Variants in NRXN3 observed in about 807,000 individuals in gnomAD.
The protein encoded by NRXN3 is neurexin 3.
In NRXN3, 32 loss-of-function variants were observed where a neutral mutation model predicts 137.6. The observed-to-expected ratio is 0.23, with a 90% CI of 0.18 to 0.31. NRXN3 has a LOEUF of 0.31. NRXN3 is among the 10% of genes least tolerant of loss of function. The pLI, the probability that NRXN3 is intolerant of heterozygous loss-of-function variation, is 1.00. For synonymous variants in NRXN3, 798 were observed against 784.5 expected (o/e 1.02, Z -0.29); for missense variants, 1,574 against 2,062.5 (o/e 0.76, Z 4.59).
At chr14:79,762,969 C>T (rs1179097312) in intron 19 of NRXN3, among the ~76,000 whole-genome samples, 3 of 151,558 alleles carry the variant, frequency 2.0e-5, no homozygotes, top group African/African-American at 7.3e-5. Flanking sequence ...GCTGCACTCA[C>T]CAACCTGTCA....
chr14:79,275,732 G>T (rs1052332628), intron 15 of NRXN3, among the ~76,000 whole-genome samples: 5 of 139,078 alleles, frequency 3.6e-5, no homozygotes, highest in African/African-American at 5.6e-5. Context: ...GGGTGAGGAT[G>T]GGGGGGGGGA....
At chr14:79,382,730 C>T (rs1235805715) in intron 15 of NRXN3, among the ~76,000 whole-genome samples, 1 of 152,098 alleles carries the variant, frequency 6.6e-6, no homozygotes, top group African/African-American at 2.4e-5. Context: ...CTTTTCCCTA[C>T]ATATGAATTT....
chr14:78,847,126 G>C (rs987820858), intron 10 of NRXN3, among the ~76,000 whole-genome samples: 2 of 152,054 alleles, frequency 1.3e-5, no homozygotes, highest in African/African-American at 2.4e-5. Context: ...CTACCTGAAA[G>C]GTAGGTATAA....
At chr14:79,649,276 G>A (rs1044303211) in intron 16 of NRXN3, among the ~76,000 whole-genome samples, 2 of 152,120 alleles carry the variant, frequency 1.3e-5, no homozygotes, top group African/African-American at 4.8e-5. Context: ...CTGCCTGTGA[G>A]CCTCTGGCCA....
At chr14:79,702,925 A>AG (rs1303216388) in intron 19 of NRXN3, among the ~76,000 whole-genome samples, 1 of 90,222 alleles carries the variant, frequency 1.1e-5, no homozygotes, top group South Asian at 3.8e-4. Flanking sequence ...AGTTATCAGC[A>AG]GAAAAAAAAA....
At chr14:79,383,255 G>A (rs1159478577) in intron 15 of NRXN3, among the ~76,000 whole-genome samples, 3 of 152,054 alleles carry the variant, frequency 2.0e-5, no homozygotes, top group Admixed American at 6.6e-5. Context: ...GCATATGTTT[G>A]CTTGGCACCC....
intron 15 of NRXN3, among the ~76,000 whole-genome samples, chr14:79,198,893 T>G (rs74941321): frequency 1.3e-5 from 2 of 152,106 alleles, no homozygotes; most frequent in African/African-American, 2.4e-5. Context: ...ACTGGCCAGG[T>G]GCGGTGGCTC....
chr14:78,435,732 A>T (rs1348972765), intron 4 of NRXN3, among the ~76,000 whole-genome samples: 1 of 152,168 alleles, frequency 6.6e-6, no homozygotes, highest in East Asian at 1.9e-4. Context: ...ATGCAGAGAC[A>T]TTACAGCCAG....
At chr14:78,901,382 A>G (rs1041259015) in intron 10 of NRXN3, among the ~76,000 whole-genome samples, 2 of 151,914 alleles carry the variant, frequency 1.3e-5, no homozygotes. Context: ...ACATGTATGT[A>G]TTACCCCAAC....
At chr14:78,435,278 T>C (rs1307375991) in intron 4 of NRXN3, among the ~76,000 whole-genome samples, 1 of 152,208 alleles carries the variant, frequency 6.6e-6, no homozygotes, top group Non-Finnish European at 1.5e-5. Flanking sequence ...AGACATAGTA[T>C]TGGCCACTAT....
At chr14:78,296,105 C>G (rs1256277708) in intron 3 of NRXN3, among the ~76,000 whole-genome samples, 1 of 145,740 alleles carries the variant, frequency 6.9e-6, no homozygotes, top group East Asian at 2.0e-4. Context: ...GTCACCCAGG[C>G]TGGAGTGCAG....
chr14:79,247,830 C>T (rs1002302344), intron 15 of NRXN3, among the ~76,000 whole-genome samples: 41 of 151,908 alleles, frequency 2.7e-4, no homozygotes, highest in African/African-American at 9.7e-4. Context: ...AGGAGTTTTT[C>T]CACCTCTATT....
At chr14:79,015,616 C>G (rs763245812) in intron 15 of NRXN3, among the ~76,000 whole-genome samples, 9 of 152,146 alleles carry the variant, frequency 5.9e-5, no homozygotes, top group Non-Finnish European at 8.8e-5. Flanking sequence ...AAGGACTTTT[C>G]TCCATTCTAA....
intron 15 of NRXN3, among the ~76,000 whole-genome samples, chr14:79,355,920 A>G (rs2093406429): frequency 6.6e-6 from 1 of 152,162 alleles, no homozygotes; most frequent in Non-Finnish European, 1.5e-5. Flanking sequence ...TAGTGTAAAT[A>G]AAAGTATTTT....
Position 79,845,457 on chromosome 14 carries a change from T to G in NRXN3, c.4094-15885T>G, listed in dbSNP as rs1487873111. On this transcript the variant is annotated intron_variant, in intron 20 of 20. Transcript: ENST00000335750. ...TGACTCTTTCTTTCACTTGAACACTTAGAGGCCACTGCAGTGTTATTAATT... is the reference window on the plus strand; with the variant it reads ...TGACTCTTTCTTTCACTTGAACACTGAGAGGCCACTGCAGTGTTATTAATT... Among the ~76,000 whole-genome samples the G allele has an allele frequency of 2.0e-5, 3 of 152,134 alleles. No individual in the cohort carries two copies. In the East Asian group the frequency reaches 5.8e-4, roughly 29 times the overall value.
rs376427880 is a variant in NRXN3 at position 78,423,012 on chromosome 14, A to G, written c.757+125152A>G. Among the ~76,000 whole-genome samples the G allele has an allele frequency of 9.8e-5, 15 of 152,348 alleles. No individual in the cohort carries two copies. The South Asian group carries it at 2.9e-3, about 29-fold the overall frequency. ...ACTTGAAAGCATGAAACAAAAAAGC[A>G]AACTATTCCTAATCAGGCTAATTGT... is the stretch of plus-strand genomic sequence containing the variant. On this transcript the variant is annotated intron_variant, in intron 4 of 20. Coordinates refer to ENST00000335750, the MANE Select transcript of NRXN3 (RefSeq NM_001330195.2).
At chr14:79,310,814 C>A (rs1175092652) in intron 15 of NRXN3, among the ~76,000 whole-genome samples, 1 of 125,976 alleles carries the variant, frequency 7.9e-6, no homozygotes. Flanking sequence ...AGTTGCTTAT[C>A]AGCTGAAGGA....
chr14:78,604,195 C>T (rs926995880), intron 4 of NRXN3, among the ~76,000 whole-genome samples: 2 of 152,124 alleles, frequency 1.3e-5, no homozygotes, highest in African/African-American at 4.8e-5. Flanking sequence ...ATTCAATTAT[C>T]TCCTACCGGG....
At chr14:79,122,648 TGTA>T (rs757215715) in intron 15 of NRXN3, among the ~76,000 whole-genome samples, 127 of 152,372 alleles carry the variant, frequency 8.3e-4, no homozygotes, top group Non-Finnish European at 9.1e-4. Context: ...ACTTGGAATA[TGTA>T]GTGATTAGGT....
Sources: allele counts gnomAD v4.1 joint callset (sites outside exome capture counted in the v4.1 genomes callset), GRCh38; gene constraint gnomAD v4.1.1; transcripts MANE v1.5; gene names NCBI Gene and HGNC (gene_info 2026-07-23, HGNC 2026-07-21).